The following TENT2 variants were observed in gnomAD, a reference collection of about 807,000 sequenced individuals.
TENT2 encodes the protein terminal nucleotidyltransferase 2.
TENT2 carries 44 observed loss-of-function variants against 72.2 expected under a neutral mutation model. That is an observed-to-expected ratio of 0.61 (90% CI 0.48 to 0.78). TENT2 has a LOEUF of 0.78. Ranked by LOEUF, TENT2 falls within the 30% of genes least tolerant of loss-of-function variation. The pLI, the probability that TENT2 is intolerant of heterozygous loss-of-function variation, is 0.00. For synonymous variants in TENT2, 212 were observed against 192.5 expected (o/e 1.10, Z -0.84); for missense variants, 541 against 569.6 (o/e 0.95, Z 0.51).
chr5:79,682,161 G>A, intron 14 of TENT2, 100 bp downstream of exon 14: 1 of 729,446 alleles, frequency 1.4e-6, no homozygotes, highest in South Asian at 2.3e-5. Flanking sequence ...TTTCTCTTCT[G>A]TGAATCCATT....
chr5:79,625,683 T>C (rs998794310), intron 4 of TENT2, among the ~76,000 whole-genome samples: 1 of 152,320 alleles, frequency 6.6e-6, no homozygotes, highest in East Asian at 1.9e-4. Flanking sequence ...CCAGTTGTCC[T>C]AGCAGCTTAT....
chr5:79,613,200 GTTTCT>G (rs1440305202), intron 1 of TENT2, 125 bp downstream of exon 1: 2 of 152,172 alleles, frequency 1.3e-5, no homozygotes, highest in Non-Finnish European at 2.9e-5. Context: ...TGTTGTGTGC[GTTTCT>G]TTTCTTGTTC....
chr5:79,681,053 CTTTG>C (rs1478153397), intron 13 of TENT2, among the ~76,000 whole-genome samples: 2 of 150,904 alleles, frequency 1.3e-5, no homozygotes, highest in Non-Finnish European at 3.0e-5. Flanking sequence ...AAAACTGTTC[CTTTG>C]TTTTTTTCCT....
intron 4 of TENT2, among the ~76,000 whole-genome samples, chr5:79,625,880 AGTGCAGTG>A (rs1419618322): frequency 6.6e-6 from 1 of 151,480 alleles, no homozygotes; most frequent in East Asian, 1.9e-4. Context: ...CCCAGGCTGG[AGTGCAGTG>A]GTGCGATCTC....
Position 79,659,572 on chromosome 5 carries a change from A to G in TENT2, c.1071+2571A>G, listed in dbSNP as rs868734785. Among the ~76,000 whole-genome samples the G allele has an allele frequency of 6.4e-3, 800 of 124,550 alleles. 27 individuals are homozygous for G. Among genetic ancestry groups the G allele is most frequent in the African/African-American group, 0.022 (718 of 32,908 alleles). 81.7% of individuals were successfully genotyped at this position (124,550 alleles called of 152,430 possible). On this transcript the variant is annotated intron_variant, in intron 11 of 14. Transcript: ENST00000453514. ...AAAAAAAATGTATATATATATATAT[A>G]TATATATATATATATATATATAATA...
intron 4 of TENT2, among the ~76,000 whole-genome samples, chr5:79,626,543 G>T (rs1770084253): frequency 6.6e-6 from 1 of 151,690 alleles, no homozygotes; most frequent in South Asian, 2.1e-4. Context: ...TCCTGACCTC[G>T]TGATCCACCC....
At chr5:79,652,488 A>G (rs1794934595) in intron 10 of TENT2, among the ~76,000 whole-genome samples, 1 of 152,024 alleles carries the variant, frequency 6.6e-6, no homozygotes, top group Non-Finnish European at 1.5e-5. Flanking sequence ...ACTTCACTAT[A>G]CTTGCAGATG....
chr5:79,645,253 G>A (rs1787898388), intron 8 of TENT2, 61 bp downstream of exon 8: 1 of 1,252,246 alleles, frequency 8.0e-7, no homozygotes, highest in African/African-American at 1.5e-5. Flanking sequence ...ATACTCATCT[G>A]ATAAAGATAA....
intron 8 of TENT2, among the ~76,000 whole-genome samples, chr5:79,647,584 G>T (rs1790155679): frequency 6.6e-6 from 1 of 152,122 alleles, no homozygotes; most frequent in Non-Finnish European, 1.5e-5. Flanking sequence ...TGGAAAGATT[G>T]TAAGATTTTC....
At chr5:79,636,655 T>A (rs1780361388) in intron 4 of TENT2, among the ~76,000 whole-genome samples, 1 of 152,218 alleles carries the variant, frequency 6.6e-6, no homozygotes, top group Non-Finnish European at 1.5e-5. Flanking sequence ...GCTTTTGATT[T>A]TGATTGCATT....
At chr5:79,668,413 G>T in intron 11 of TENT2, among the ~76,000 whole-genome samples, 1 of 152,018 alleles carries the variant, frequency 6.6e-6, no homozygotes, top group East Asian at 1.9e-4. Context: ...ATTAGTATAA[G>T]TACTATTTCT....
intron 4 of TENT2, among the ~76,000 whole-genome samples, chr5:79,628,490 T>C (rs6877965): frequency 0.2 from 30,854 of 152,026 alleles, 4,626 homozygotes; most frequent in African/African-American, 0.42. Flanking sequence ...TAATGAGAGG[T>C]GCTGAAGCTT....
rs1386219975 is a variant in TENT2, at chr5:79,681,988, T to C, written c.1307T>C (p.Phe436Ser). Reference sequence around the variant, plus strand: ...TTTGCATTTAACATTGCAGAACCTTTTGATGGAACAAATACAGCCAGAGCA... The same window carrying C: ...TTTGCATTTAACATTGCAGAACCTTCTGATGGAACAAATACAGCCAGAGCA... Reference protein sequence around the residue: ...RNKYICVEEPFDGTNTARAVH... With the variant: ...RNKYICVEEPSDGTNTARAVH... Residue 436 changes from phenylalanine to serine, a missense_variant, in exon 14 of 15, where the codon TTT (phenylalanine) becomes TCT (serine). Physicochemically the swap from Phe to Ser is radical, Grantham distance 155. Transcript: ENST00000453514. 6.2e-7 allele frequency: 1 copy of C among 1,612,008 alleles called. No homozygotes were observed. The highest frequency in any genetic ancestry group is 8.5e-7 in the Non-Finnish European group (1 of 1,179,280).
intron 12 of TENT2, among the ~76,000 whole-genome samples, chr5:79,678,818 C>G (rs187106503): frequency 1.3e-5 from 2 of 152,324 alleles, no homozygotes; most frequent in African/African-American, 4.8e-5. Context: ...AAGATTACTT[C>G]TGTCTTAACA....
At chr5:79,657,991 T>C (rs1244210457) in intron 11 of TENT2, among the ~76,000 whole-genome samples, 9 of 152,170 alleles carry the variant, frequency 5.9e-5, no homozygotes, top group Non-Finnish European at 1.3e-4. Flanking sequence ...TAGTTTAATA[T>C]CTGATAATTG....
chr5:79,678,430 A>T (rs1244389207), intron 12 of TENT2, among the ~76,000 whole-genome samples: 1 of 152,182 alleles, frequency 6.6e-6, no homozygotes, highest in African/African-American at 2.4e-5. Flanking sequence ...AATACTACTT[A>T]AAAAATGGTA....
intron 11 of TENT2, among the ~76,000 whole-genome samples, chr5:79,664,109 A>G (rs1464640252): frequency 6.6e-6 from 1 of 152,220 alleles, no homozygotes. Flanking sequence ...GAAGGTGTAC[A>G]TAGGTTATAT....
At chr5:79,636,323 C>CATA (rs1333750956) in intron 4 of TENT2, among the ~76,000 whole-genome samples, 5 of 152,186 alleles carry the variant, frequency 3.3e-5, no homozygotes, top group Non-Finnish European at 5.9e-5. Flanking sequence ...CAATTAACAA[C>CATA]ATATGACTAA....
At position 79,686,141 on chromosome 5, in the gene TENT2, C is replaced by A. The variant is rs1416916468; in HGVS notation, c.*868C>A. On this transcript the variant is annotated 3_prime_UTR_variant, in exon 15 of 15. Transcript: ENST00000453514. ...ACTGAGATCAAAGTTAAGATTATAT[C>A]CTGTTTGTAGTATCAGATATTTTTC... The A allele has an allele frequency of 6.6e-6, 1 of 152,410 alleles. No homozygotes were observed. Among genetic ancestry groups the A allele is most frequent in the African/African-American group, 2.4e-5 (1 of 41,364 alleles). The allele number at this position is 152,410 out of a possible 1,614,324, so 9.4% of individuals were successfully genotyped here. A position where few individuals can be genotyped will look rare whatever the true frequency, so the allele number is the denominator to read the frequency against.
Sources: gnomAD v4.1 joint callset for allele counts (sites outside exome capture counted in the v4.1 genomes callset) on GRCh38, gnomAD v4.1.1 for gene constraint, MANE v1.5 for transcripts, NCBI Gene and HGNC (gene_info 2026-07-23, HGNC 2026-07-21) for gene names.